SIK3: variants seen among roughly 807,000 people sequenced by gnomAD.
SIK3 encodes the protein SIK family kinase 3, also known as serine/threonine-protein kinase SIK3.
Under a neutral mutation model 144.2 loss-of-function variants are expected in SIK3, and 28 were observed. The ratio of observed to expected loss-of-function variants is 0.19; its 90% confidence interval spans 0.14 to 0.27. The LOEUF (loss-of-function observed/expected upper bound fraction) is 0.27, where lower values mean the gene tolerates loss of function less well. SIK3 is among the 10% of genes least tolerant of loss of function. The pLI is 1.00. For synonymous variants in SIK3, 686 were observed against 676.3 expected (o/e 1.01, Z -0.22); for missense variants, 1,319 against 1,776.0 (o/e 0.74, Z 4.62).
chr11:116,928,534 C>T (rs138961151), intron 3 of SIK3, among the ~76,000 whole-genome samples: 89 of 152,300 alleles, frequency 5.8e-4, no homozygotes, highest in African/African-American at 2.1e-3. Context: ...TGACATCTCA[C>T]TCCCTCACAG....
chr11:117,031,670 ACCACCAC>A (rs1210070652), intron 1 of SIK3, among the ~76,000 whole-genome samples: 5 of 139,372 alleles, frequency 3.6e-5, no homozygotes, highest in African/African-American at 1.4e-4. Context: ...ACTGGCATGT[ACCACCAC>A]ACCCGGCTAA....
intron 6 of SIK3, among the ~76,000 whole-genome samples, chr11:116,882,945 T>C (rs1944619975): frequency 6.6e-6 from 1 of 152,246 alleles, no homozygotes; most frequent in African/African-American, 2.4e-5. Flanking sequence ...CTCTGAAACA[T>C]GTTTCTATGG....
At chr11:116,901,733 G>A (rs182893896) in intron 4 of SIK3, among the ~76,000 whole-genome samples, 1 of 152,228 alleles carries the variant, frequency 6.6e-6, no homozygotes, top group Admixed American at 6.5e-5. Context: ...CTCTTTCACA[G>A]TATCTAACAG....
chr11:116,932,961 G>C (rs1268634744), intron 3 of SIK3, among the ~76,000 whole-genome samples: 1 of 151,836 alleles, frequency 6.6e-6, no homozygotes, highest in Non-Finnish European at 1.5e-5. Flanking sequence ...TTTAGAGGTA[G>C]GGTTTCACCA....
chr11:116,916,638 G>A (rs1445555468), intron 4 of SIK3, among the ~76,000 whole-genome samples: 2 of 151,524 alleles, frequency 1.3e-5, no homozygotes, highest in Admixed American at 6.6e-5. Flanking sequence ...AGCCTCCTGA[G>A]TAGCTGGGAC....
At position 116,858,555 on chromosome 11, in the gene SIK3, G is replaced by A. The variant is rs749740584; in HGVS notation, c.2910C>T (p.Val970=). The A allele has an allele frequency of 6.2e-7, 1 of 1,613,838 alleles. No homozygotes were observed. The highest frequency in any genetic ancestry group is 8.5e-7 in the Non-Finnish European group (1 of 1,179,952). ...AGGTGGGGAATTGGTCAAGTGGAGG[G>A]ACTTTCAGGGCTTGGGTTGGAGAGA... The part of the protein sequence containing the change: ...VGFSPTQALK[V]PPLDQFPTFP... The change falls in exon 21 of 25, where the codon GTC becomes GTT. Residue 970 remains valine, a synonymous_variant. Transcript: ENST00000445177. The surrounding 1 kb of genome is among the most constrained non-coding windows in gnomAD (Gnocchi z 5.4).
chr11:116,944,058 G>A (rs890944491), intron 3 of SIK3, among the ~76,000 whole-genome samples: 1 of 152,070 alleles, frequency 6.6e-6, no homozygotes, highest in African/African-American at 2.4e-5. Flanking sequence ...AATCCACTGT[G>A]TATTTTATAC....
intron 1 of SIK3, among the ~76,000 whole-genome samples, chr11:117,092,467 C>T (rs545637577): frequency 6.6e-6 from 1 of 152,160 alleles, no homozygotes; most frequent in Non-Finnish European, 1.5e-5. Context: ...GCAGCCCCCC[C>T]CAGGGATTCT....
intron 3 of SIK3, among the ~76,000 whole-genome samples, chr11:116,943,912 T>TAA (rs34561422): frequency 0.026 from 3,727 of 144,854 alleles, 83 homozygotes; most frequent in South Asian, 0.11. Flanking sequence ...CATTTAAAAG[T>TAA]AAAAAAAAAA....
chr11:116,950,675 A>C (rs1948892491), intron 3 of SIK3, among the ~76,000 whole-genome samples: 1 of 152,208 alleles, frequency 6.6e-6, no homozygotes, highest in African/African-American at 2.4e-5. Context: ...ACTTACTGGA[A>C]CACTTATTCT....
intron 13 of SIK3, among the ~76,000 whole-genome samples, chr11:116,871,744 A>T (rs1943981586): frequency 6.6e-6 from 1 of 152,232 alleles, no homozygotes; most frequent in African/African-American, 2.4e-5. Context: ...ATGGCAAATA[A>T]GAAAGACAAG....
At chr11:116,957,785 GC>G (rs1949194943) in intron 1 of SIK3, among the ~76,000 whole-genome samples, 1 of 152,124 alleles carries the variant, frequency 6.6e-6, no homozygotes, top group Non-Finnish European at 1.5e-5. Context: ...CTAGTATGTG[GC>G]AGGTGCAGGA....
Position 116,862,182 on chromosome 11 carries a change from A to G in SIK3, c.2229+20T>C. 1.2e-6 allele frequency: 2 copies of G among 1,614,208 alleles called. No homozygotes were observed. Among genetic ancestry groups the G allele is most frequent in the Non-Finnish European group, 1.7e-6 (2 of 1,180,034 alleles). ...AGCAAACTCCAAACAAGTTGGAGAAAGCAAAGAGTGAGGGCCTACTTGAAT... is the reference window on the plus strand; with the variant it reads ...AGCAAACTCCAAACAAGTTGGAGAAGGCAAAGAGTGAGGGCCTACTTGAAT... On this transcript the variant is annotated intron_variant, in intron 17 of 24. Coordinates refer to ENST00000445177, the MANE Select transcript of SIK3 (RefSeq NM_001366686.3).
intron 3 of SIK3, among the ~76,000 whole-genome samples, chr11:116,942,133 C>CA (rs1948341372): frequency 6.6e-6 from 1 of 152,148 alleles, no homozygotes; most frequent in South Asian, 2.1e-4. Flanking sequence ...TTCCCCATGT[C>CA]AAAAACTCAT....
chr11:116,860,462 A>T (rs1210178563), intron 19 of SIK3, among the ~76,000 whole-genome samples: 6 of 152,308 alleles, frequency 3.9e-5, no homozygotes, highest in Admixed American at 1.3e-4. Flanking sequence ...ACTCACAGTC[A>T]CATTATACTT....
intron 6 of SIK3, among the ~76,000 whole-genome samples, chr11:116,886,181 G>C (rs1277098734): frequency 3.3e-5 from 5 of 152,220 alleles, no homozygotes; most frequent in African/African-American, 1.2e-4. Flanking sequence ...CTCTGAAGTA[G>C]TTCTTAACCT....
intron 3 of SIK3, among the ~76,000 whole-genome samples, chr11:116,941,705 A>G (rs977006163): frequency 2.6e-5 from 4 of 152,204 alleles, no homozygotes; most frequent in African/African-American, 9.7e-5. Flanking sequence ...AATCATACAC[A>G]TTTCAACAGA....
At chr11:116,909,690 C>T (rs938223516) in intron 4 of SIK3, among the ~76,000 whole-genome samples, 1 of 152,194 alleles carries the variant, frequency 6.6e-6, no homozygotes, top group Admixed American at 6.5e-5. Context: ...TTTCTCACCA[C>T]TGATTTCCTA....
chr11:116,970,703 T>A (rs1182601958), intron 1 of SIK3, among the ~76,000 whole-genome samples: 1 of 151,864 alleles, frequency 6.6e-6, no homozygotes, highest in Non-Finnish European at 1.5e-5. Context: ...CACGCTGGAG[T>A]GCAATGATGT....
Sources: allele counts gnomAD v4.1 joint callset (sites outside exome capture counted in the v4.1 genomes callset), GRCh38; gene constraint gnomAD v4.1.1; non-coding constraint Gnocchi (gnomAD v3.1); transcripts MANE v1.5; gene names NCBI Gene and HGNC (gene_info 2026-07-23, HGNC 2026-07-21).